Variants in CRIM1 observed in about 807,000 individuals in gnomAD.
CRIM1 encodes the protein cysteine-rich motor neuron 1 protein.
A neutral mutation model predicts 116.4 loss-of-function variants in CRIM1; 32 were observed. The ratio of observed to expected loss-of-function variants is 0.27; its 90% CI spans 0.21 to 0.37. CRIM1 has a LOEUF of 0.37. Among genes scored for constraint, CRIM1 ranks in the 10% least tolerant of loss-of-function variants. The pLI is 1.00. For synonymous variants in CRIM1, 590 were observed against 509.2 expected, an observed-to-expected ratio of 1.16 and a Z score of -2.13; for missense variants, 1,331 against 1,354.8, an observed-to-expected ratio of 0.98 and a Z score of 0.28.
chr2:36,397,204 A>ATGAT, intron 2 of CRIM1, among the ~76,000 whole-genome samples: 1 of 152,232 alleles, frequency 6.6e-6, no homozygotes, highest in South Asian at 2.1e-4. Flanking sequence ...TGGGAGAATT[A>ATGAT]TGCAGTGATG....
intron 4 of CRIM1, among the ~76,000 whole-genome samples, chr2:36,458,824 T>G (rs937307253): frequency 1.3e-5 from 2 of 152,156 alleles, no homozygotes; most frequent in African/African-American, 4.8e-5. Context: ...AAGAGTTTAT[T>G]ATGATCCACC....
At position 36,363,524 on chromosome 2, in the gene CRIM1, T is replaced by TCG. The variant is rs939528900; in HGVS notation, c.331+6903_331+6904dup. Among the ~76,000 whole-genome samples, 4 of 91,190 alleles carry TCG rather than the reference T, an allele frequency of 4.4e-5. 1 individual carries two copies. The highest frequency in any genetic ancestry group is 1.6e-4 in the African/African-American group (4 of 25,146). 59.8% of individuals were successfully genotyped at this position (91,190 alleles called of 152,430 possible). On this transcript the variant is annotated intron_variant, in intron 1 of 16. Transcript: ENST00000280527. ...AAATTGTTACTGAATTCAGCAGTCGTCGCCGCCCCCCCCCCCCATGACTAT... is the reference window on the plus strand; with the variant it reads ...AAATTGTTACTGAATTCAGCAGTCGTCGCGCCGCCCCCCCCCCCCATGACTAT...
intron 1 of CRIM1, among the ~76,000 whole-genome samples, chr2:36,390,493 G>A (rs1009758378): frequency 2.0e-5 from 3 of 152,208 alleles, no homozygotes; most frequent in Admixed American, 6.5e-5. Flanking sequence ...GGGTGTTGAA[G>A]ATACTTACTT....
At chr2:36,369,483 T>G (rs1669807568) in intron 1 of CRIM1, among the ~76,000 whole-genome samples, 1 of 152,084 alleles carries the variant, frequency 6.6e-6, no homozygotes, top group Non-Finnish European at 1.5e-5. Flanking sequence ...GGTGCAAGAG[T>G]CAATTCCTCT....
At chr2:36,463,220 T>A (rs889619571) in intron 4 of CRIM1, among the ~76,000 whole-genome samples, 1 of 152,208 alleles carries the variant, frequency 6.6e-6, no homozygotes, top group African/African-American at 2.4e-5. Context: ...TAATTTCTTT[T>A]CTAGTTCCAT....
At chr2:36,464,513 T>C (rs755777377) in intron 4 of CRIM1, 21 bp from the exon 5 acceptor site, 2 of 1,613,706 alleles carry the variant, frequency 1.2e-6, no homozygotes, top group Non-Finnish European at 8.5e-7. Context: ...GGGGTTTTCC[T>C]TCCCTTTTCT....
At chr2:36,490,013 T>C (rs1680112100) in intron 7 of CRIM1, among the ~76,000 whole-genome samples, 1 of 152,178 alleles carries the variant, frequency 6.6e-6, no homozygotes, top group Non-Finnish European at 1.5e-5. Context: ...TATGAAAAGA[T>C]AGCACAGACC....
At chr2:36,402,941 A>T (rs1284023449) in intron 2 of CRIM1, among the ~76,000 whole-genome samples, 1 of 152,160 alleles carries the variant, frequency 6.6e-6, no homozygotes, top group African/African-American at 2.4e-5. Flanking sequence ...TTTAAATGTA[A>T]TTCAGTAACT....
chr2:36,522,282 G>A lies in CRIM1; in HGVS notation c.2397G>A (p.Leu799=). The A allele has an allele frequency of 6.2e-7, 1 of 1,614,114 alleles. No individual in the cohort carries two copies. The highest frequency in any genetic ancestry group is 8.5e-7 in the Non-Finnish European group (1 of 1,180,008). Residue 799 remains leucine, a synonymous_variant, in exon 13 of 17, where the codon TTG becomes TTA. Transcript: ENST00000280527. ...CPSVSCERPV[L]RKGQCCPYCI... is the part of the protein sequence containing the mutation. ...CTGTATCCTGTGAAAGACCTGTCTT[G>A]AGAAAAGGCCAGTGTTGTCCCTACT...
chr2:36,366,092 G>A (rs1034909045), intron 1 of CRIM1, among the ~76,000 whole-genome samples: 2 of 152,190 alleles, frequency 1.3e-5, no homozygotes, highest in Admixed American at 6.5e-5. Context: ...TTTTTATCCA[G>A]TAAATATTGG....
intron 13 of CRIM1, among the ~76,000 whole-genome samples, chr2:36,526,677 C>G (rs1245673300): frequency 6.6e-6 from 1 of 152,198 alleles, no homozygotes; most frequent in Non-Finnish European, 1.5e-5. Flanking sequence ...TCTGCCCATA[C>G]TGAGTGCCAG....
intron 5 of CRIM1, among the ~76,000 whole-genome samples, chr2:36,471,944 T>C (rs1309613861): frequency 1.3e-5 from 2 of 152,208 alleles, no homozygotes; most frequent in African/African-American, 4.8e-5. Flanking sequence ...CACAATATCT[T>C]TGAGGTGTAT....
At chr2:36,381,781 C>T (rs543991465) in intron 1 of CRIM1, among the ~76,000 whole-genome samples, 1 of 152,102 alleles carries the variant, frequency 6.6e-6, no homozygotes, top group Non-Finnish European at 1.5e-5. Context: ...AGTGAGACTT[C>T]GTCTCAAAAA....
At chr2:36,470,908 A>G (rs961281417) in intron 5 of CRIM1, among the ~76,000 whole-genome samples, 8 of 152,228 alleles carry the variant, frequency 5.3e-5, no homozygotes, top group African/African-American at 9.6e-5. Flanking sequence ...CATTAAGAAC[A>G]CAGGTGATTC....
At chr2:36,439,690 C>T (rs1397167332) in intron 2 of CRIM1, among the ~76,000 whole-genome samples, 1 of 152,198 alleles carries the variant, frequency 6.6e-6, no homozygotes, top group Non-Finnish European at 1.5e-5. Context: ...CAGCCGTAAA[C>T]TTCTCAATCA....
At chr2:36,529,452 A>ATC (rs1665972036) in intron 13 of CRIM1, 4 of 213,722 alleles carry the variant, frequency 1.9e-5, no homozygotes, top group Non-Finnish European at 3.9e-5. Flanking sequence ...GGCCACCTTG[A>ATC]TCTTTAGTTG....
chr2:36,473,483 T>TA (rs759337199), intron 5 of CRIM1, among the ~76,000 whole-genome samples: 1 of 152,284 alleles, frequency 6.6e-6, no homozygotes, highest in Non-Finnish European at 1.5e-5. Flanking sequence ...CATCAAGCCA[T>TA]CAGAAAACTC....
chr2:36,392,419 A>G (rs965418998), intron 1 of CRIM1, among the ~76,000 whole-genome samples: 4 of 151,982 alleles, frequency 2.6e-5, no homozygotes, highest in South Asian at 2.1e-4. Context: ...CCTACTTCAT[A>G]TAGTTAAAAA....
intron 1 of CRIM1, among the ~76,000 whole-genome samples, chr2:36,367,464 C>A (rs928536871): frequency 2.0e-5 from 3 of 152,142 alleles, no homozygotes; most frequent in African/African-American, 7.2e-5. Flanking sequence ...TAAATAAAAC[C>A]CTTCAACTTC....
Sources: allele counts gnomAD v4.1 joint callset (sites outside exome capture counted in the v4.1 genomes callset), GRCh38; gene constraint gnomAD v4.1.1; transcripts MANE v1.5; gene names NCBI Gene and HGNC (gene_info 2026-07-23, HGNC 2026-07-21).